VRK3: variants seen among roughly 807,000 people sequenced by gnomAD.
The protein encoded by VRK3 is serine/threonine-protein kinase VRK3.
In VRK3, 50 loss-of-function variants were observed where a neutral mutation model predicts 60.4. The ratio of observed to expected loss-of-function variants is 0.83; its 90% CI spans 0.66 to 1.05. VRK3 has a LOEUF of 1.05. Ranked by LOEUF, VRK3 falls within the 50% of genes least tolerant of loss-of-function variation. VRK3 has a pLI of 0.00. For missense variants in VRK3, 549 were observed against 585.3 expected, an observed-to-expected ratio of 0.94 and a Z score of 0.64; for synonymous variants, 246 against 227.8, an observed-to-expected ratio of 1.08 and a Z score of -0.72.
chr19:50,010,059 TAC>T (rs58061544), intron 3 of VRK3, among the ~76,000 whole-genome samples: 24 of 151,074 alleles, frequency 1.6e-4, no homozygotes, highest in South Asian at 1.0e-3. Flanking sequence ...TATATATATA[TAC>T]ACACACACAC....
intron 3 of VRK3, 53 bp downstream of exon 3, chr19:50,015,971 G>A (rs776384128): frequency 3.7e-5 from 59 of 1,610,864 alleles, no homozygotes; most frequent in Non-Finnish European, 4.4e-5. Context: ...AGACACACAC[G>A]TGTATGCACC....
At chr19:49,989,330 ACCT>A (rs769572919) in intron 11 of VRK3, among the ~76,000 whole-genome samples, 2 of 151,664 alleles carry the variant, frequency 1.3e-5, no homozygotes, top group African/African-American at 4.8e-5. Flanking sequence ...GTGGCCAACC[ACCT>A]CCTCAACAGC....
intron 5 of VRK3, among the ~76,000 whole-genome samples, chr19:50,006,284 T>C (rs943892648): frequency 6.6e-6 from 1 of 151,050 alleles, no homozygotes; most frequent in Non-Finnish European, 1.5e-5. Context: ...CACTCCAGCC[T>C]GGGTGACAGA....
chr19:50,011,594 C>T (rs548938838), intron 3 of VRK3, among the ~76,000 whole-genome samples: 36 of 151,624 alleles, frequency 2.4e-4, no homozygotes, highest in Admixed American at 1.9e-3. Flanking sequence ...CAGTTAAAAC[C>T]AAACTCCCTC....
intron 10 of VRK3, 70 bp from the exon 11 acceptor site, chr19:49,989,841 G>A: frequency 2.0e-6 from 3 of 1,486,908 alleles, no homozygotes; most frequent in East Asian, 2.4e-5. Flanking sequence ...TCCATCGTGG[G>A]TGCAAGTGAC....
Position 49,989,674 on chromosome 19 carries a change from AGG to A in VRK3, c.1059_1060del (p.Leu354Ter). 1 of 1,613,682 alleles carries A rather than the reference AGG, an allele frequency of 6.2e-7. No homozygotes were observed. Among genetic ancestry groups the A allele is most frequent in the Non-Finnish European group, 8.5e-7 (1 of 1,179,700 alleles). On this transcript the variant is annotated frameshift_variant, in exon 11 of 15. Coordinates refer to ENST00000316763, the MANE Select transcript of VRK3 (RefSeq NM_016440.4). LOFTEE classifies it high-confidence loss of function. The stretch of plus-strand genomic sequence containing the variant: ...GTGCAGGTCCATGCTAATGAACTCA[AGG>A]TCCCCCTCGTGAGGGCTCCTGCTGC...
At chr19:50,018,523 C>G (rs951444784) in intron 2 of VRK3, among the ~76,000 whole-genome samples, 1 of 152,212 alleles carries the variant, frequency 6.6e-6, no homozygotes, top group African/African-American at 2.4e-5. Flanking sequence ...AGCAGAAACA[C>G]TCTGTGGCAT....
chr19:50,001,888 C>T (rs967027135), intron 5 of VRK3, among the ~76,000 whole-genome samples: 3 of 152,060 alleles, frequency 2.0e-5, no homozygotes, highest in Admixed American at 1.3e-4. Context: ...AACAGGCTGG[C>T]AGGAGTAAGA....
intron 13 of VRK3, among the ~76,000 whole-genome samples, chr19:49,979,783 C>T (rs918523195): frequency 6.6e-6 from 1 of 152,068 alleles, no homozygotes; most frequent in South Asian, 2.1e-4. Context: ...GTGGCTCACG[C>T]CTGTAATCCC....
intron 1 of VRK3, among the ~76,000 whole-genome samples, chr19:50,022,069 C>T (rs1247673498): frequency 1.3e-5 from 2 of 152,148 alleles, no homozygotes; most frequent in African/African-American, 4.8e-5. Flanking sequence ...CAAAATGATG[C>T]TCAAAGGGTG....
At position 50,016,128 on chromosome 19, in the gene VRK3, A is replaced by G. The variant is rs1419169404; in HGVS notation, c.35T>C (p.Ile12Thr). The G allele has an allele frequency of 6.2e-7, 1 of 1,614,118 alleles. No individual in the cohort carries two copies. The highest frequency in any genetic ancestry group is 1.3e-5 in the African/African-American group (1 of 74,946). Residue 12 changes from isoleucine to threonine, a missense_variant, in exon 3 of 15, where the codon ATC becomes ACC. Physicochemically the swap from Ile to Thr is moderately conservative, Grantham distance 89. Transcript: ENST00000316763. ...GGGGCAGAATTTGAATGCCGCTTGGATACTTTTGCCACAGTCTGGACAGAA... is the reference window on the plus strand; with the variant it reads ...GGGGCAGAATTTGAATGCCGCTTGGGTACTTTTGCCACAGTCTGGACAGAA... The part of the protein sequence containing the change: ...ISFCPDCGKS[I>T]QAAFKFCPYC...
intron 10 of VRK3, among the ~76,000 whole-genome samples, chr19:49,991,548 C>T (rs1600670838): frequency 6.6e-6 from 1 of 152,216 alleles, no homozygotes; most frequent in East Asian, 1.9e-4. Flanking sequence ...CACACACACA[C>T]ACCCTGCCAG....
At chr19:49,998,294 C>T (rs4801812) in intron 6 of VRK3, 19,320 of 151,928 alleles carry the variant, frequency 0.13, 1,398 homozygotes, top group East Asian at 0.33. Context: ...CTAGACTAGC[C>T]TCGCCAACAT....
chr19:50,006,415 A>G (rs1186669478), intron 5 of VRK3, among the ~76,000 whole-genome samples: 8 of 151,052 alleles, frequency 5.3e-5, no homozygotes, highest in Admixed American at 4.0e-4. Flanking sequence ...TCGCTCTGTC[A>G]CCCAGGATGG....
At chr19:50,002,878 C>T (rs10403418) in intron 5 of VRK3, among the ~76,000 whole-genome samples, 7,988 of 152,232 alleles carry the variant, frequency 0.052, 694 homozygotes, top group African/African-American at 0.18. Flanking sequence ...GGCATGCAGG[C>T]AGGTGAGCAC....
In VRK3 at chr19:49,991,781, G is replaced by A. The variant is rs550996757; in HGVS notation, c.963+1079C>T. On this transcript the variant is annotated intron_variant, in intron 10 of 14. Transcript: ENST00000316763. ...TGAGGAGTCCAGAGATGGGAGAGCC[G>A]GCTTCCCAATGACAGGGTTTGAGCT... Among the ~76,000 whole-genome samples the A allele has an allele frequency of 3.3e-5, 5 of 152,288 alleles. No individual in the cohort carries two copies. The South Asian group carries it at 8.3e-4, about 25-fold the overall frequency.
intron 14 of VRK3, among the ~76,000 whole-genome samples, chr19:49,978,071 G>A (rs2076360906): frequency 1.3e-5 from 2 of 152,186 alleles, no homozygotes; most frequent in African/African-American, 2.4e-5. Flanking sequence ...GATGCCCTGC[G>A]ACTAGGATCT....
intron 10 of VRK3, among the ~76,000 whole-genome samples, chr19:49,990,623 T>A (rs2076594220): frequency 6.6e-6 from 1 of 152,082 alleles, no homozygotes; most frequent in Non-Finnish European, 1.5e-5. Flanking sequence ...TCCTCCTGCC[T>A]TGGCCACTGT....
rs762066931 is a variant in VRK3 at position 49,979,102 on chromosome 19, C to A, written c.1417G>T (p.Val473Leu). 3 of 1,608,470 alleles carry A rather than the reference C, an allele frequency of 1.9e-6. No individual in the cohort carries two copies. The South Asian group carries it at 3.3e-5, about 18-fold the overall frequency. The stretch of plus-strand genomic sequence containing the variant: ...TCCCACCTGGATTCCACCTAGGGCA[C>A]CATCGGGAGGCCAATGGGGTCATAT... ...SPYDPIGLPM[V>L]P The change falls in exon 14 of 15, where the codon GTG (valine) becomes TTG (leucine). Residue 473 changes from valine to leucine, a missense_variant. Transcript: ENST00000316763.
Sources: gnomAD v4.1 joint callset for allele counts (sites outside exome capture counted in the v4.1 genomes callset) on GRCh38, gnomAD v4.1.1 for gene constraint, MANE v1.5 for transcripts, NCBI Gene and HGNC (gene_info 2026-07-23, HGNC 2026-07-21) for gene names.